The following KIAA0825 variants were observed in gnomAD, a reference collection of about 807,000 sequenced individuals.
The protein encoded by KIAA0825 is uncharacterized protein KIAA0825.
KIAA0825 carries 119 observed loss-of-function variants against 147.6 expected under a neutral mutation model. That is an observed-to-expected ratio of 0.81 (90% confidence interval 0.69 to 0.94). The LOEUF (loss-of-function observed/expected upper bound fraction) is 0.94. Among genes scored for constraint, KIAA0825 ranks in the 40% least tolerant of loss-of-function variants. The probability of loss-of-function intolerance (pLI) is 0.00; values close to 1 mark genes in which losing one functional copy is unlikely to be tolerated. For synonymous variants in KIAA0825, 470 were observed against 518.1 expected, an observed-to-expected ratio of 0.91 and a Z score of 1.26; for missense variants, 1,381 against 1,472.7, an observed-to-expected ratio of 0.94 and a Z score of 1.02.
chr5:94,529,332 TATATATGTATATATC>T (rs1236319843), intron 3 of KIAA0825, among the ~76,000 whole-genome samples: 80 of 136,610 alleles, frequency 5.9e-4, no homozygotes, highest in South Asian at 1.5e-3. Context: ...GTATATATCA[TATATATGTATATATC>T]ATATATGTAT....
intron 13 of KIAA0825, among the ~76,000 whole-genome samples, chr5:94,442,337 T>G (rs1315491950): frequency 6.6e-6 from 1 of 152,140 alleles, no homozygotes; most frequent in Non-Finnish European, 1.5e-5. Flanking sequence ...ATATCTCAAA[T>G]TGGAGTAACT....
intron 5 of KIAA0825, among the ~76,000 whole-genome samples, chr5:94,511,448 C>T (rs2151165146): frequency 6.6e-6 from 1 of 151,586 alleles, no homozygotes; most frequent in South Asian, 2.1e-4. Flanking sequence ...TGGGGAAACC[C>T]CTTCTCTACT....
chr5:94,254,658 A>G (rs1204004394), intron 20 of KIAA0825, among the ~76,000 whole-genome samples: 1 of 152,130 alleles, frequency 6.6e-6, no homozygotes, highest in Non-Finnish European at 1.5e-5. Flanking sequence ...TAACATCTCT[A>G]TGATATTGAC....
At chr5:94,237,041 A>ATGTG (rs1178913210) in intron 20 of KIAA0825, among the ~76,000 whole-genome samples, 5 of 134,156 alleles carry the variant, frequency 3.7e-5, no homozygotes, top group African/African-American at 8.7e-5. Flanking sequence ...TAAATAGGCT[A>ATGTG]TATGTGTGTG....
At chr5:94,353,044 A>G (rs1371242996) in intron 20 of KIAA0825, among the ~76,000 whole-genome samples, 1 of 152,190 alleles carries the variant, frequency 6.6e-6, no homozygotes, top group African/African-American at 2.4e-5. Context: ...TCATGTAACC[A>G]AATACACCTG....
Position 94,152,548 on chromosome 5 carries a change from G to C in KIAA0825, c.*1459C>G, listed in dbSNP as rs995389000. ...ACAAAAACATTTTAAAAATTAACCAGGTGTGGTGGCACACAACTGTAGTTC... is the reference window on the plus strand; with the variant it reads ...ACAAAAACATTTTAAAAATTAACCACGTGTGGTGGCACACAACTGTAGTTC... On this transcript the variant is annotated 3_prime_UTR_variant, in exon 21 of 21. Coordinates refer to ENST00000682413, the MANE Select transcript of KIAA0825 (RefSeq NM_001145678.3). 6.7e-6 allele frequency among the ~76,000 whole-genome samples: 1 copy of C among 150,260 alleles called. No individual in the cohort carries two copies. Among genetic ancestry groups the C allele is most frequent in the East Asian group, 2.0e-4 (1 of 5,062 alleles).
intron 20 of KIAA0825, among the ~76,000 whole-genome samples, chr5:94,328,848 C>T (rs1780977154): frequency 6.6e-6 from 1 of 151,412 alleles, no homozygotes. Flanking sequence ...AGAATAATAA[C>T]AAATATAAGT....
At chr5:94,319,335 C>A (rs1343591517) in intron 20 of KIAA0825, among the ~76,000 whole-genome samples, 1 of 151,842 alleles carries the variant, frequency 6.6e-6, no homozygotes, top group African/African-American at 2.4e-5. Context: ...AGATCTCAAT[C>A]CAAGATGATT....
chr5:94,512,636 G>A (rs56276230), intron 5 of KIAA0825, among the ~76,000 whole-genome samples: 11,701 of 150,234 alleles, frequency 0.078, 1,525 homozygotes, highest in African/African-American at 0.27. Flanking sequence ...TGGCTCATGC[G>A]TAATCCCAGC....
chr5:94,343,018 TTAAAAA>T (rs1782589278), intron 20 of KIAA0825, among the ~76,000 whole-genome samples: 1 of 152,054 alleles, frequency 6.6e-6, no homozygotes, highest in African/African-American at 2.4e-5. Flanking sequence ...TATCAAATAC[TTAAAAA>T]TAAATTCTAA....
At chr5:94,258,598 A>C (rs1776352690) in intron 20 of KIAA0825, among the ~76,000 whole-genome samples, 1 of 152,062 alleles carries the variant, frequency 6.6e-6, no homozygotes, top group Non-Finnish European at 1.5e-5. Context: ...CTATAAATAT[A>C]GAAGTAAATG....
intron 20 of KIAA0825, among the ~76,000 whole-genome samples, chr5:94,326,733 C>T (rs776829496): frequency 1.5e-4 from 23 of 152,148 alleles, no homozygotes; most frequent in Non-Finnish European, 2.9e-4. Context: ...GATGCCTTTG[C>T]GACATCTGGC....
intron 13 of KIAA0825, among the ~76,000 whole-genome samples, chr5:94,451,050 C>T (rs932721170): frequency 6.6e-6 from 1 of 152,124 alleles, no homozygotes; most frequent in Non-Finnish European, 1.5e-5. Context: ...CCTTACAGAA[C>T]TAGTATGAGG....
chr5:94,551,964 T>C (rs1292883505), intron 2 of KIAA0825, among the ~76,000 whole-genome samples: 1 of 152,036 alleles, frequency 6.6e-6, no homozygotes, highest in Non-Finnish European at 1.5e-5. Context: ...ATTCAATTCC[T>C]CAATCAAAAA....
chr5:94,302,325 T>C (rs184937773), intron 20 of KIAA0825, among the ~76,000 whole-genome samples: 1 of 152,252 alleles, frequency 6.6e-6, no homozygotes, highest in Non-Finnish European at 1.5e-5. Flanking sequence ...TTTCCCTTTT[T>C]TTTCTTACCC....
At chr5:94,201,649 A>G (rs1046055921) in intron 20 of KIAA0825, among the ~76,000 whole-genome samples, 28 of 146,664 alleles carry the variant, frequency 1.9e-4, no homozygotes, top group Admixed American at 5.5e-4. Context: ...AGGTATTGCT[A>G]TGTTACCCAG....
At chr5:94,216,887 G>A (rs1225343066) in intron 20 of KIAA0825, among the ~76,000 whole-genome samples, 1 of 152,110 alleles carries the variant, frequency 6.6e-6, no homozygotes, top group East Asian at 1.9e-4. Flanking sequence ...TCCTCCAGTT[G>A]TCAAATTTCC....
At chr5:94,296,823 C>T (rs1356249222) in intron 20 of KIAA0825, among the ~76,000 whole-genome samples, 1 of 152,062 alleles carries the variant, frequency 6.6e-6, no homozygotes, top group African/African-American at 2.4e-5. Context: ...AGCTGCAGAC[C>T]AGAGCTGTTC....
intron 20 of KIAA0825, among the ~76,000 whole-genome samples, chr5:94,255,502 T>C (rs1776199106): frequency 6.6e-6 from 1 of 151,930 alleles, no homozygotes; most frequent in South Asian, 2.1e-4. Context: ...ACGCCATCAA[T>C]GGAGATACGG....
Sources: allele counts gnomAD v4.1 joint callset (sites outside exome capture counted in the v4.1 genomes callset), GRCh38; gene constraint gnomAD v4.1.1; transcripts MANE v1.5; gene names NCBI Gene and HGNC (gene_info 2026-07-23, HGNC 2026-07-21).